The following CNTNAP3B variants were observed in gnomAD, a reference collection of about 807,000 sequenced individuals.
The protein encoded by CNTNAP3B is contactin associated protein family member 3B.
In CNTNAP3B, 25 loss-of-function variants were observed where a neutral mutation model predicts 108.9. The ratio of observed to expected loss-of-function variants is 0.23; its 90% CI spans 0.17 to 0.32. CNTNAP3B has a LOEUF of 0.32. CNTNAP3B is among the 10% of genes least tolerant of loss of function. CNTNAP3B has a pLI of 1.00. For missense variants in CNTNAP3B, 252 were observed against 1,210.4 expected (o/e 0.21, Z 11.75); for synonymous variants, 103 against 473.4 (o/e 0.22, Z 10.16).
At chr9:41,940,124 C>T (rs964405190) in intron 13 of CNTNAP3B, among the ~76,000 whole-genome samples, 2 of 152,292 alleles carry the variant, frequency 1.3e-5, no homozygotes, top group African/African-American at 4.8e-5. Flanking sequence ...GCCATAGGGT[C>T]CTATCAGACA....
rs1335027798 is a variant in CNTNAP3B, at chr9:41,977,640, C to T, written c.1478-7395G>A. Among the ~76,000 whole-genome samples, 84 of 125,496 alleles carry T rather than the reference C, an allele frequency of 6.7e-4. 3 individuals carry two copies. Among genetic ancestry groups the T allele is most frequent in the African/African-American group, 2.5e-3 (74 of 30,068 alleles). 82.3% of individuals were successfully genotyped at this position (125,496 alleles called of 152,430 possible). On this transcript the variant is annotated intron_variant, in intron 9 of 23. Coordinates refer to ENST00000377561, the MANE Select transcript of CNTNAP3B (RefSeq NM_001201380.3). ...TTTACCTTTTTTTTTTTTTTTGAGA[C>T]GGCGTCTCACTCTGTCACCCAGGCT...
At chr9:41,983,089 A>C (rs1454986239) in intron 9 of CNTNAP3B, among the ~76,000 whole-genome samples, 1 of 130,034 alleles carries the variant, frequency 7.7e-6, no homozygotes, top group Non-Finnish European at 1.6e-5. Flanking sequence ...CCTACTAGGT[A>C]CTATGCTCAT....
At chr9:42,028,715 AT>A (rs1433942289) in intron 3 of CNTNAP3B, among the ~76,000 whole-genome samples, 1 of 150,234 alleles carries the variant, frequency 6.7e-6, no homozygotes, top group African/African-American at 2.5e-5. Context: ...GACTACGTTA[AT>A]AAGGGAAATA....
chr9:41,966,236 A>T (rs1418452671), intron 10 of CNTNAP3B, among the ~76,000 whole-genome samples: 1 of 152,288 alleles, frequency 6.6e-6, no homozygotes. Context: ...TTAAGATCAT[A>T]CCTGACTTGA....
rs1254043010 is a variant in CNTNAP3B at position 42,061,091 on chromosome 9, G to T, written c.390+15778C>A. On this transcript the variant is annotated intron_variant, in intron 3 of 23. Coordinates refer to ENST00000377561, the MANE Select transcript of CNTNAP3B (RefSeq NM_001201380.3). ...TCTTGTTATTCTAGTTCCTTGGGGT[G>T]TAATGTTTGGTTGTTTATTTGATAT... Among the ~76,000 whole-genome samples, 2 of 99,822 alleles carry T rather than the reference G, an allele frequency of 2.0e-5. 1 individual carries two copies. Among genetic ancestry groups the T allele is most frequent in the African/African-American group, 8.3e-5 (2 of 24,102 alleles). 65.5% of individuals were successfully genotyped at this position (99,822 alleles called of 152,430 possible). A position where few individuals can be genotyped will look rare whatever the true frequency, so the allele number is the denominator to read the frequency against.
chr9:41,935,704 G>C (rs935453721), intron 14 of CNTNAP3B, among the ~76,000 whole-genome samples: 3 of 152,268 alleles, frequency 2.0e-5, no homozygotes, highest in African/African-American at 7.2e-5. Context: ...GGATAGACCT[G>C]TCTACTGGAA....
intron 14 of CNTNAP3B, among the ~76,000 whole-genome samples, chr9:41,930,301 A>T (rs1432511530): frequency 6.6e-6 from 1 of 152,282 alleles, no homozygotes; most frequent in Non-Finnish European, 1.5e-5. Context: ...CCAACACTTT[A>T]GAAGACTGGG....
intron 11 of CNTNAP3B, among the ~76,000 whole-genome samples, chr9:41,964,127 A>G (rs528122630): frequency 1.7e-3 from 252 of 152,346 alleles, no homozygotes; most frequent in African/African-American, 5.3e-3. Flanking sequence ...AATACCTTAA[A>G]TGTAACATTG....
At chr9:41,941,174 T>C (rs1386595495) in intron 13 of CNTNAP3B, among the ~76,000 whole-genome samples, 4 of 151,136 alleles carry the variant, frequency 2.6e-5, no homozygotes, top group Non-Finnish European at 4.4e-5. Flanking sequence ...AAGTCACATA[T>C]GTACACTATA....
intron 14 of CNTNAP3B, among the ~76,000 whole-genome samples, chr9:41,935,841 G>T (rs546826913): frequency 2.6e-5 from 4 of 152,402 alleles, no homozygotes; most frequent in South Asian, 2.1e-4. Flanking sequence ...GAAAGCCCAG[G>T]GCTTCTGTCA....
At chr9:41,961,701 GA>G (rs1825097546) in intron 11 of CNTNAP3B, among the ~76,000 whole-genome samples, 1 of 152,418 alleles carries the variant, frequency 6.6e-6, no homozygotes, top group South Asian at 2.1e-4. Flanking sequence ...ATTTAAAAAA[GA>G]AACGTCCCTA....
At chr9:41,941,928 C>T (rs951324171) in intron 13 of CNTNAP3B, among the ~76,000 whole-genome samples, 1 of 152,188 alleles carries the variant, frequency 6.6e-6, no homozygotes, top group African/African-American at 2.4e-5. Flanking sequence ...TCTTATGTCT[C>T]CAGCAGGGGG....
chr9:41,956,367 C>T (rs1187510116), intron 12 of CNTNAP3B, among the ~76,000 whole-genome samples: 2 of 152,094 alleles, frequency 1.3e-5, no homozygotes, highest in African/African-American at 4.8e-5. Context: ...GCCTGGGTGA[C>T]AGAGCAAGCC....
intron 14 of CNTNAP3B, among the ~76,000 whole-genome samples, chr9:41,933,722 T>C (rs1407376188): frequency 6.6e-6 from 1 of 152,278 alleles, no homozygotes; most frequent in African/African-American, 2.4e-5. Flanking sequence ...ATCTGCCAGG[T>C]TTGTTTCTTT....
At chr9:41,969,042 C>T (rs576199593) in intron 10 of CNTNAP3B, among the ~76,000 whole-genome samples, 23 of 152,406 alleles carry the variant, frequency 1.5e-4, no homozygotes, top group African/African-American at 5.3e-4. Context: ...GTGATCCGCC[C>T]GCCTTGGCCT....
chr9:42,054,551 T>C (rs1385939626), intron 3 of CNTNAP3B, among the ~76,000 whole-genome samples: 7 of 151,734 alleles, frequency 4.6e-5, no homozygotes, highest in Admixed American at 2.0e-4. Flanking sequence ...TTAGGGGCTA[T>C]TTTAGAAACA....
intron 13 of CNTNAP3B, among the ~76,000 whole-genome samples, chr9:41,943,542 CG>C (rs1824429445): frequency 1.3e-5 from 2 of 151,786 alleles, no homozygotes; most frequent in East Asian, 1.9e-4. Context: ...TTAGTAGAGA[CG>C]TGGTTTCCCC....
In CNTNAP3B at chr9:42,047,398, C is replaced by T. The variant is rs867774704; in HGVS notation, c.390+29471G>A. ...AAAGCTAAAATCAGGAGGAAAAAAG[C>T]AGAAAGCAAAACCAAAGCAAATTCA... On this transcript the variant is annotated intron_variant, in intron 3 of 23. Transcript: ENST00000377561. Among the ~76,000 whole-genome samples the T allele has an allele frequency of 3.0e-5, 4 of 132,332 alleles. 1 individual carries two copies. In the Admixed American group the frequency reaches 3.1e-4, roughly 10 times the overall value. The allele number at this position is 132,332 out of a possible 152,430, so 86.8% of individuals were successfully genotyped here.
intron 13 of CNTNAP3B, among the ~76,000 whole-genome samples, chr9:41,943,296 G>T (rs1475493444): frequency 6.6e-6 from 1 of 151,606 alleles, no homozygotes; most frequent in Admixed American, 6.6e-5. Flanking sequence ...TAAACACAAA[G>T]AGAAAAAGAA....
Sources: allele counts gnomAD v4.1 joint callset (sites outside exome capture counted in the v4.1 genomes callset), GRCh38; gene constraint gnomAD v4.1.1; transcripts MANE v1.5; gene names NCBI Gene and HGNC (gene_info 2026-07-23, HGNC 2026-07-21).